Variants in NPIPB6 observed in about 807,000 individuals in gnomAD.
NPIPB6 encodes the protein nuclear pore complex-interacting protein family member B6.
NPIPB6 carries 2 observed loss-of-function variants against 20.0 expected under a neutral mutation model. The ratio of observed to expected loss-of-function variants is 0.10; its 90% CI spans 0.04 to 0.31. The LOEUF is 0.31. Among genes scored for constraint, NPIPB6 ranks in the 10% least tolerant of loss-of-function variants. NPIPB6 has a pLI of 1.00. For synonymous variants in NPIPB6, 35 were observed against 116.3 expected, an observed-to-expected ratio of 0.30 and a Z score of 4.50; for missense variants, 96 against 293.7, an observed-to-expected ratio of 0.33 and a Z score of 4.92.
At chr16:28,360,853 T>TG (rs2045415841) in intron 1 of NPIPB6, among the ~76,000 whole-genome samples, 1 of 104,212 alleles carries the variant, frequency 9.6e-6, no homozygotes, top group Non-Finnish European at 2.2e-5. Context: ...TGAGGGCATG[T>TG]GGGGCACAGG....
At position 28,347,922 on chromosome 16, in the gene NPIPB6, C is replaced by T. The variant is rs1321395520; in HGVS notation, c.599+912G>A. On this transcript the variant is annotated intron_variant, in intron 4 of 6. Transcript: ENST00000532254. ...GTCCAGAGTTCTAGACCAGCTTGGCCAATATGGTGAAACCCCGCCTCTACT... is the reference window on the plus strand; with the variant it reads ...GTCCAGAGTTCTAGACCAGCTTGGCTAATATGGTGAAACCCCGCCTCTACT... Among the ~76,000 whole-genome samples, 11 of 112,142 alleles carry T rather than the reference C, an allele frequency of 9.8e-5. No individual in the cohort carries two copies. In the East Asian group the frequency reaches 2.6e-3, roughly 26 times the overall value. 73.6% of individuals were successfully genotyped at this position (112,142 alleles called of 152,430 possible).
chr16:28,349,571 AC>A (rs2045173407), intron 2 of NPIPB6, among the ~76,000 whole-genome samples: 3 of 103,472 alleles, frequency 2.9e-5, no homozygotes, highest in Admixed American at 2.3e-4. Flanking sequence ...ACACACACAC[AC>A]ACACACACAC....
At chr16:28,360,206 G>A (rs1596584146) in intron 1 of NPIPB6, among the ~76,000 whole-genome samples, 1 of 126,532 alleles carries the variant, frequency 7.9e-6, no homozygotes, top group Middle Eastern at 3.7e-3. Flanking sequence ...ACTCTCACCT[G>A]TGCAATCTGA....
At chr16:28,361,786 GTA>G (rs1207041061) in intron 1 of NPIPB6, among the ~76,000 whole-genome samples, 1 of 129,480 alleles carries the variant, frequency 7.7e-6, no homozygotes, top group Non-Finnish European at 1.7e-5. Flanking sequence ...GTGTGTGTGT[GTA>G]TCTATATAAA....
At chr16:28,349,789 G>A (rs2045184294) in intron 2 of NPIPB6, among the ~76,000 whole-genome samples, 1 of 106,052 alleles carries the variant, frequency 9.4e-6, no homozygotes, top group Admixed American at 1.1e-4. Context: ...TCAGGAGGCT[G>A]AGGCAGGAGA....
exon 7 of NPIPB6, chr16:28,342,631 G>C: frequency 1.3e-6 from 2 of 1,524,818 alleles, no homozygotes; most frequent in Non-Finnish European, 1.8e-6. Context: ...TTATTGCCCA[G>C]GCTTGAGTGC....
At chr16:28,343,074 G>C in exon 7 of NPIPB6, 4 of 1,460,882 alleles carry the variant, frequency 2.7e-6, no homozygotes, top group African/African-American at 2.8e-5. Context: ...ATAGAATGTT[G>C]TTGAGTTGGA....
At chr16:28,342,618 T>C (rs1251480142) in exon 7 of NPIPB6, 2 of 1,515,888 alleles carry the variant, frequency 1.3e-6, no homozygotes, top group South Asian at 2.4e-5. Context: ...TACGGATTTA[T>C]TCTTATTGCC....
rs770544494 is a variant in NPIPB6 at position 28,348,846 on chromosome 16, G to GTCTT, written c.583_586dup (p.Thr196LysfsTer61). The GTCTT allele has an allele frequency of 2.5e-4, 31 of 122,110 alleles. 1 individual carries two copies. The highest frequency in any genetic ancestry group is 4.2e-4 in the Non-Finnish European group (28 of 66,022). The allele number at this position is 122,110 out of a possible 1,614,324, so 7.6% of individuals were successfully genotyped here. Reference sequence around the variant, plus strand: ...AGGCACATCTTACTGTTTTCTGGCGGTCTTCCTCTTTCCATTGATTTTGTC... The same window carrying GTCTT: ...AGGCACATCTTACTGTTTTCTGGCGGTCTTTCTTCCTCTTTCCATTGATTTTGTC... On this transcript the variant is annotated frameshift_variant, in exon 4 of 7. Transcript: ENST00000532254. LOFTEE classifies it high-confidence loss of function.
At chr16:28,359,805 T>G (rs1442304064) in intron 1 of NPIPB6, among the ~76,000 whole-genome samples, 1 of 152,200 alleles carries the variant, frequency 6.6e-6, no homozygotes, top group African/African-American at 2.4e-5. Context: ...AGTTATCCAC[T>G]GGAGCATCAG....
chr16:28,351,904 C>CAGA (rs778636755), intron 2 of NPIPB6, among the ~76,000 whole-genome samples: 1 of 8,486 alleles, frequency 1.2e-4, no homozygotes, highest in African/African-American at 2.4e-4. Flanking sequence ...GATCATTGTT[C>CAGA]AGGAGGTTCA....
chr16:28,356,517 G>T, intron 1 of NPIPB6: 1 of 269,404 alleles, frequency 3.7e-6, no homozygotes, highest in Non-Finnish European at 6.8e-6. Context: ...GAAACCCCGC[G>T]GGTCCAGCGT....
chr16:28,348,232 C>T (rs1386426065), intron 4 of NPIPB6, among the ~76,000 whole-genome samples: 1 of 112,916 alleles, frequency 8.9e-6, no homozygotes, highest in Non-Finnish European at 2.0e-5. Context: ...CAAGATTGCA[C>T]CATAGCACTC....
chr16:28,355,857 T>C (rs1251660385), intron 1 of NPIPB6, among the ~76,000 whole-genome samples: 1 of 121,064 alleles, frequency 8.3e-6, no homozygotes, highest in Admixed American at 9.0e-5. Context: ...CACTTAAGGG[T>C]ATATATTTTG....
chr16:28,349,544 CTG>C (rs2045170531), intron 2 of NPIPB6, among the ~76,000 whole-genome samples: 1 of 98,382 alleles, frequency 1.0e-5, no homozygotes, highest in Non-Finnish European at 2.2e-5. Flanking sequence ...GAATGAGACT[CTG>C]TCACACACAC....
In NPIPB6 at chr16:28,356,636, G is replaced by A; in HGVS notation, c.121-3575C>T. The A allele has an allele frequency of 1.6e-5, 6 of 374,406 alleles. 2 individuals are homozygous for A. The highest frequency in any genetic ancestry group is 1.3e-4 in the South Asian group (6 of 47,650). 23.2% of individuals were successfully genotyped at this position (374,406 alleles called of 1,614,324 possible). Reference sequence around the variant, plus strand: ...CTTTCAGGGTGCCCTGAGGCGGCCAGGACAGAGGTGGAGGTGGCTTAGGGC... The same window carrying A: ...CTTTCAGGGTGCCCTGAGGCGGCCAAGACAGAGGTGGAGGTGGCTTAGGGC... On this transcript the variant is annotated intron_variant, in intron 1 of 6. Transcript: ENST00000532254.
rs539209440 is a variant in NPIPB6, at chr16:28,355,900, G to A, written c.121-2839C>T. Among the ~76,000 whole-genome samples, 67 of 120,318 alleles carry A rather than the reference G, an allele frequency of 5.6e-4. 11 individuals carry two copies. Among genetic ancestry groups the A allele is most frequent in the Non-Finnish European group, 5.2e-4 (28 of 53,582 alleles). The allele number at this position is 120,318 out of a possible 152,430, so 78.9% of individuals were successfully genotyped here. ...GCGGTGGCTCACGCCTGTAATCCCAGCACTGGGAGGCCGAGGCAGGCAGAT... is the reference window on the plus strand; with the variant it reads ...GCGGTGGCTCACGCCTGTAATCCCAACACTGGGAGGCCGAGGCAGGCAGAT... On this transcript the variant is annotated intron_variant, in intron 1 of 6. Coordinates refer to ENST00000532254, the Ensembl canonical transcript of NPIPB6.
At chr16:28,349,594 C>A (rs1298444234) in intron 2 of NPIPB6, among the ~76,000 whole-genome samples, 10 of 78,768 alleles carry the variant, frequency 1.3e-4, no homozygotes, top group African/African-American at 4.7e-4. Context: ...CACACACACA[C>A]AAGAATGACA....
At position 28,342,902 on chromosome 16, in the gene NPIPB6, G is replaced by C. The variant is rs457403; in HGVS notation, c.983C>G (p.Pro328Arg). 9.2e-3 allele frequency: 13,688 copies of C among 1,481,864 alleles called. 147 individuals carry two copies. In the African/African-American group the frequency reaches 0.11, roughly 12 times the overall value. The allele number at this position is 1,481,864 out of a possible 1,614,324, so 91.8% of individuals were successfully genotyped here. ...GGGTGGAAGAGGAGAGGGTGGAAGC[G>C]GGACAAAGAGACATTCCTTCAGATT... Residue 328 changes from proline (P) to arginine (R), a missense_variant, in exon 7 of 7, where the codon CCG (proline) becomes CGG (arginine). By Grantham distance (103) the Pro-to-Arg change is moderately radical. Around this residue, in one of 3 missense-constraint regions of NPIPB6, gnomAD observed 81 missense variants for 190.9 expected, o/e 0.42. Coordinates refer to ENST00000532254, the Ensembl canonical transcript of NPIPB6.
Sources: gnomAD v4.1 joint callset for allele counts (sites outside exome capture counted in the v4.1 genomes callset) on GRCh38, gnomAD v4.1.1 for gene constraint, gnomAD v4.1.1 regional missense constraint, MANE v1.5 for transcripts, NCBI Gene and HGNC (gene_info 2026-07-23, HGNC 2026-07-21) for gene names.